Variants in NDC1 observed in about 807,000 individuals in gnomAD.
NDC1 encodes the protein NDC1 transmembrane nucleoporin.
A neutral mutation model predicts 89.8 loss-of-function variants in NDC1; 24 were observed. That is an observed-to-expected ratio of 0.27 (90% CI 0.19 to 0.38). NDC1 has a LOEUF of 0.38. Ranked by LOEUF, NDC1 falls within the 10% of genes least tolerant of loss-of-function variation. The pLI, the probability that NDC1 is intolerant of heterozygous loss-of-function variation, is 1.00. For synonymous variants in NDC1, 296 were observed against 284.8 expected (o/e 1.04, Z -0.39); for missense variants, 728 against 797.6 (o/e 0.91, Z 1.05).
rs758930373 is a variant in NDC1 at position 53,829,151 on chromosome 1, C to A, written c.281-978G>T. 3.3e-5 allele frequency among the ~76,000 whole-genome samples: 5 copies of A among 152,026 alleles called. 1 individual carries two copies. Among genetic ancestry groups the A allele is most frequent in the Admixed American group, 6.6e-5 (1 of 15,266 alleles). On this transcript the variant is annotated intron_variant, in intron 3 of 17. Transcript: ENST00000371429. ...CTTTGGAAACAGCTAGCCTAGGGTT[C>A]CCTGATCTATCTATGTAGGTATTTT...
At chr1:53,769,096 G>A (rs983061897) in intron 17 of NDC1, among the ~76,000 whole-genome samples, 1 of 152,162 alleles carries the variant, frequency 6.6e-6, no homozygotes, top group Non-Finnish European at 1.5e-5. Flanking sequence ...AGAACTGCTT[G>A]AGCTCAGGAG....
intron 6 of NDC1, among the ~76,000 whole-genome samples, chr1:53,816,249 G>A (rs999972240): frequency 6.6e-5 from 10 of 152,080 alleles, no homozygotes; most frequent in South Asian, 4.1e-4. Context: ...GTGAAAATAC[G>A]CACATAGACC....
chr1:53,837,887 GTTAT>G (rs1027456168), intron 1 of NDC1, among the ~76,000 whole-genome samples: 1 of 151,588 alleles, frequency 6.6e-6, no homozygotes, highest in African/African-American at 2.4e-5. Context: ...AACAAATTAA[GTTAT>G]TTATTTTGCA....
rs747722166 is a variant in NDC1 at position 53,796,766 on chromosome 1, T to G, written c.1507A>C (p.Thr503Pro). ...GTCTTACCCTCAGCACTAATAGAGG[T>G]AGATGGAGAAGGATTAGAAAATTCA... ...MTEFSNPSPS[T>P]SISAEGKTMR... Residue 503 changes from threonine to proline, a missense_variant, in exon 13 of 18, where the codon ACC (threonine) becomes CCC (proline). Physicochemically the swap from Thr to Pro is conservative, Grantham distance 38. Transcript: ENST00000371429. The G allele has an allele frequency of 1.9e-6, 3 of 1,610,144 alleles. No individual in the cohort carries two copies. The highest frequency in any genetic ancestry group is 1.7e-5 in the Admixed American group (1 of 58,692).
At position 53,830,351 on chromosome 1, in the gene NDC1, G is replaced by A. The variant is rs551616994; in HGVS notation, c.280+2139C>T. 2.0e-5 allele frequency among the ~76,000 whole-genome samples: 3 copies of A among 152,104 alleles called. No individual in the cohort carries two copies. In the South Asian group the frequency reaches 6.2e-4, roughly 32 times the overall value. On this transcript the variant is annotated intron_variant, in intron 3 of 17. Transcript: ENST00000371429. The stretch of plus-strand genomic sequence containing the variant: ...CGCCTGTAATCCCAGCTACTCAGGC[G>A]GCTGAGGCAGGAGAATTGCTTGCAC...
chr1:53,793,632 C>G (rs1557573260), intron 13 of NDC1, among the ~76,000 whole-genome samples: 1 of 152,104 alleles, frequency 6.6e-6, no homozygotes, highest in Non-Finnish European at 1.5e-5. Context: ...CGCTTTGTCA[C>G]CTAGGCTGGA....
At chr1:53,791,982 A>G (rs1313980505) in intron 14 of NDC1, among the ~76,000 whole-genome samples, 2 of 145,258 alleles carry the variant, frequency 1.4e-5, no homozygotes, top group African/African-American at 5.1e-5. Context: ...TCGCTCTTTC[A>G]CCCAGGCCGG....
intron 16 of NDC1, among the ~76,000 whole-genome samples, chr1:53,778,701 G>A (rs898011436): frequency 6.6e-6 from 1 of 152,140 alleles, no homozygotes; most frequent in Non-Finnish European, 1.5e-5. Context: ...ATATAGTTAT[G>A]ACAAAAATTA....
chr1:53,805,840 C>T (rs192367129), intron 9 of NDC1, among the ~76,000 whole-genome samples: 1,899 of 152,088 alleles, frequency 0.012, 44 homozygotes, highest in African/African-American at 0.043. Context: ...TTTGGGAGGC[C>T]GAGGCGGGTG....
Position 53,800,744 on chromosome 1 carries a change from C to A in NDC1, c.1171G>T (p.Gly391Trp). The A allele has an allele frequency of 6.2e-7, 1 of 1,614,100 alleles. No individual in the cohort carries two copies. Among genetic ancestry groups the A allele is most frequent in the Non-Finnish European group, 8.5e-7 (1 of 1,179,986 alleles). ...ACTGGGTAAGATGAAGACACTCTCC[C>A]ATTCGTAGCAGCAGCTTCTTGATAG... ...ILYQEAAATN[G>W]RVSSSYPVEP... The change falls in exon 11 of 18, where the codon GGG becomes TGG. Residue 391 changes from glycine to tryptophan, a missense_variant. By Grantham distance (184) the Gly-to-Trp change is radical (BLOSUM62 -2). Coordinates refer to ENST00000371429, the MANE Select transcript of NDC1 (RefSeq NM_018087.5).
chr1:53,777,722 A>C (rs1647174225), intron 16 of NDC1, among the ~76,000 whole-genome samples: 1 of 151,574 alleles, frequency 6.6e-6, no homozygotes, highest in Admixed American at 6.6e-5. Flanking sequence ...CTGCAACCTT[A>C]TTTTTTCTTT....
chr1:53,793,311 T>G (rs1209742968), intron 13 of NDC1, 32 bp from the exon 14 acceptor site: 14 of 1,530,460 alleles, frequency 9.1e-6, no homozygotes, highest in African/African-American at 1.4e-5. Flanking sequence ...ATTAACACAT[T>G]TACCTTTTAA....
intron 13 of NDC1, among the ~76,000 whole-genome samples, chr1:53,794,201 C>G (rs1193733926): frequency 1.3e-5 from 2 of 152,098 alleles, no homozygotes; most frequent in Non-Finnish European, 2.9e-5. Context: ...GTCTCGAATT[C>G]CCGGGCTCAA....
chr1:53,833,217 T>C lies in NDC1; in HGVS notation c.179-626A>G, dbSNP rs567337993. Among the ~76,000 whole-genome samples the C allele has an allele frequency of 5.8e-4, 88 of 152,092 alleles. 1 individual carries two copies. In the South Asian group the frequency reaches 0.017, roughly 30 times the overall value. ...TTGCTCTGTTGCCCAGGCTGGAGTG[T>C]AGTGGCTCAATCTTGGCTCACTGCA... is the stretch of plus-strand genomic sequence containing the variant. On this transcript the variant is annotated intron_variant, in intron 2 of 17. Coordinates refer to ENST00000371429, the MANE Select transcript of NDC1 (RefSeq NM_018087.5).
At chr1:53,811,860 C>A (rs1648318517) in intron 6 of NDC1, among the ~76,000 whole-genome samples, 1 of 152,104 alleles carries the variant, frequency 6.6e-6, no homozygotes, top group Admixed American at 6.5e-5. Flanking sequence ...CCACTGCACC[C>A]CCTCACCACC....
At chr1:53,801,127 G>A (rs920291346) in intron 10 of NDC1, among the ~76,000 whole-genome samples, 4 of 149,566 alleles carry the variant, frequency 2.7e-5, no homozygotes, top group Admixed American at 1.3e-4. Flanking sequence ...CAAATTGGTC[G>A]CTAAAATAAA....
chr1:53,797,318 G>A (rs1209278846), intron 11 of NDC1, among the ~76,000 whole-genome samples, 174 bp from the exon 12 acceptor site: 1 of 152,120 alleles, frequency 6.6e-6, no homozygotes, highest in African/African-American at 2.4e-5. Flanking sequence ...CTGCATTCAA[G>A]CTCCACTCAA....
intron 3 of NDC1, among the ~76,000 whole-genome samples, chr1:53,829,499 G>A (rs1266254694): frequency 6.6e-6 from 1 of 152,192 alleles, no homozygotes; most frequent in African/African-American, 2.4e-5. Context: ...TGGGGCAAGT[G>A]GTGCTCCTAT....
intron 4 of NDC1, 149 bp downstream of exon 4, chr1:53,827,850 C>A: frequency 1.8e-6 from 1 of 549,214 alleles, no homozygotes; most frequent in Non-Finnish European, 3.0e-6. Context: ...AATCAATAAA[C>A]ACAAAATATT....
Sources: allele counts gnomAD v4.1 joint callset (sites outside exome capture counted in the v4.1 genomes callset), GRCh38; gene constraint gnomAD v4.1.1; transcripts MANE v1.5; gene names NCBI Gene and HGNC (gene_info 2026-07-23, HGNC 2026-07-21).